ITGA1: variants seen among roughly 807,000 people sequenced by gnomAD.
ITGA1 encodes the protein integrin subunit alpha 1.
Under a neutral mutation model 145.9 loss-of-function variants are expected in ITGA1, and 85 were observed. The ratio of observed to expected loss-of-function variants is 0.58; its 90% CI spans 0.49 to 0.70. The LOEUF is 0.70. Ranked by LOEUF, ITGA1 falls within the 30% of genes least tolerant of loss-of-function variation. ITGA1 has a pLI of 0.00. For synonymous variants in ITGA1, 520 were observed against 495.3 expected (o/e 1.05, Z -0.66); for missense variants, 1,351 against 1,418.7 (o/e 0.95, Z 0.77).
At position 52,915,614 on chromosome 5, in the gene ITGA1, C is replaced by A. The variant is rs746163443; in HGVS notation, c.1988+20C>A. 3.7e-6 allele frequency: 6 copies of A among 1,612,434 alleles called. No individual in the cohort carries two copies. In the South Asian group the frequency reaches 5.5e-5, roughly 15 times the overall value. On this transcript the variant is annotated intron_variant, in intron 15 of 28. Transcript: ENST00000282588. ...CTTCTGGTATGTATTTTAATAACAT[C>A]CTGTTAATCTGAGACTGGGTCACTT...
chr5:52,801,798 A>T (rs565823997), intron 1 of ITGA1: 1 of 1,613,396 alleles, frequency 6.2e-7, no homozygotes, highest in East Asian at 2.2e-5. Flanking sequence ...CTGTTCCCGA[A>T]CTTTCTGACC....
intron 1 of ITGA1, among the ~76,000 whole-genome samples, chr5:52,794,500 TACACACACAC>T (rs56996823): frequency 1.9e-4 from 27 of 141,910 alleles, no homozygotes; most frequent in South Asian, 6.8e-4. Flanking sequence ...CAAATAGAAA[TACACACACAC>T]ACACACACAC....
intron 28 of ITGA1, among the ~76,000 whole-genome samples, chr5:52,951,533 T>A (rs930401437): frequency 3.6e-4 from 55 of 152,202 alleles, no homozygotes; most frequent in Non-Finnish European, 5.9e-5. Context: ...GGTCAACAAC[T>A]TCATTTTTTA....
chr5:52,805,865 G>A lies in ITGA1; in HGVS notation c.61+17451G>A, dbSNP rs184952112. Reference sequence around the variant, plus strand: ...GAACTGTGGCATCAATTTTGCAGTTGGATTTACATCTTTCTTAATGATTTG... The same window carrying A: ...GAACTGTGGCATCAATTTTGCAGTTAGATTTACATCTTTCTTAATGATTTG... On this transcript the variant is annotated intron_variant, in intron 1 of 28. Coordinates refer to ENST00000282588, the MANE Select transcript of ITGA1 (RefSeq NM_181501.2). Among the ~76,000 whole-genome samples, 126 of 152,048 alleles carry A rather than the reference G, an allele frequency of 8.3e-4. 2 individuals are homozygous for A. Among genetic ancestry groups the A allele is most frequent in the South Asian group, 3.5e-3 (17 of 4,814 alleles).
rs150759523 is a variant in ITGA1 at position 52,790,391 on chromosome 5, T to A, written c.61+1977T>A. 4.2e-3 allele frequency among the ~76,000 whole-genome samples: 640 copies of A among 152,308 alleles called. 2 individuals are homozygous for A. The highest frequency in any genetic ancestry group is 7.1e-3 in the Non-Finnish European group (483 of 68,018). ...TGCTGTTGTAACAACTTGCCATAGA[T>A]CACCAGCTTAAAACAACATAAATTT... On this transcript the variant is annotated intron_variant, in intron 1 of 28. Transcript: ENST00000282588.
chr5:52,813,600 C>T (rs1030388149), intron 1 of ITGA1, among the ~76,000 whole-genome samples: 1 of 152,152 alleles, frequency 6.6e-6, no homozygotes, highest in Non-Finnish European at 1.5e-5. Context: ...AATAGCCACC[C>T]CCAGACAACC....
chr5:52,873,754 A>G (rs943229433), intron 6 of ITGA1, among the ~76,000 whole-genome samples: 1 of 152,188 alleles, frequency 6.6e-6, no homozygotes, highest in Non-Finnish European at 1.5e-5. Context: ...AGCTCTTTTC[A>G]TATTAGGCAA....
chr5:52,934,470 T>A (rs1750936895), intron 23 of ITGA1, among the ~76,000 whole-genome samples: 1 of 151,924 alleles, frequency 6.6e-6, no homozygotes, highest in African/African-American at 2.4e-5. Flanking sequence ...CAAATAAGTA[T>A]GTATCACATT....
intron 6 of ITGA1, among the ~76,000 whole-genome samples, chr5:52,881,431 C>T (rs1749956000): frequency 6.6e-6 from 1 of 152,180 alleles, no homozygotes; most frequent in South Asian, 2.1e-4. Context: ...CATTTTCAGT[C>T]TGGCCTCTAG....
chr5:52,910,334 T>A lies in ITGA1; in HGVS notation c.1772T>A (p.Ile591Lys). Reference protein sequence around the residue: ...LNLDGFNDIVIGAPLEDDHGG... With the variant: ...LNLDGFNDIVKGAPLEDDHGG... The stretch of plus-strand genomic sequence containing the variant: ...CTTGATGGATTTAATGACATCGTGA[T>A]AGGAGCTCCGCTGGAAGATGATCAC... The change falls in exon 14 of 29, where the codon ATA (isoleucine) becomes AAA (lysine). Residue 591 changes from isoleucine to lysine, a missense_variant. Ile to Lys is a moderately radical substitution (Grantham distance 102, BLOSUM62 -3). Coordinates refer to ENST00000282588, the MANE Select transcript of ITGA1 (RefSeq NM_181501.2). 1 of 1,613,950 alleles carries A rather than the reference T, an allele frequency of 6.2e-7. No individual in the cohort carries two copies. The highest frequency in any genetic ancestry group is 8.5e-7 in the Non-Finnish European group (1 of 1,179,908).
In ITGA1 at chr5:52,832,655, G is replaced by A. The variant is rs374169566; in HGVS notation, c.62-16710G>A. Among the ~76,000 whole-genome samples the A allele has an allele frequency of 3.3e-5, 5 of 149,292 alleles. No homozygotes were observed. The East Asian group carries it at 5.9e-4, about 17-fold the overall frequency. ...TATAACCAAATATTACATACACTAT[G>A]TTAGAATAAAGAATGAACACTATCA... On this transcript the variant is annotated intron_variant, in intron 1 of 28. Coordinates refer to ENST00000282588, the MANE Select transcript of ITGA1 (RefSeq NM_181501.2).
rs756447409 is a variant in ITGA1 at position 52,932,053 on chromosome 5, C to T, written c.2778C>T (p.Ser926=). The T allele has an allele frequency of 2.9e-5, 47 of 1,596,900 alleles. No individual in the cohort carries two copies. Among genetic ancestry groups the T allele is most frequent in the South Asian group, 1.2e-4 (11 of 90,354 alleles). ...VTIYLSATSD[S]EEPPETLSDN... ...TGTGCCGTGTATTTTCTAGTGACAG[C>T]GAAGAACCTCCTGAAACCCTTTCTG... Residue 926 remains serine, a synonymous_variant, in exon 22 of 29, where the codon AGC becomes AGT. Coordinates refer to ENST00000282588, the MANE Select transcript of ITGA1 (RefSeq NM_181501.2).
chr5:52,906,025 A>G (rs1750398350), intron 12 of ITGA1, 117 bp downstream of exon 12: 1 of 832,846 alleles, frequency 1.2e-6, no homozygotes, highest in East Asian at 2.7e-5. Context: ...ACAACTGGGA[A>G]CAGGGCCCTG....
rs2111566693 is a variant in ITGA1 at position 52,954,656 on chromosome 5, C to T, written c.*2205C>T. 1 of 151,938 alleles carries T rather than the reference C, an allele frequency of 6.6e-6. No homozygotes were observed. The highest frequency in any genetic ancestry group is 1.9e-4 in the East Asian group (1 of 5,166). The allele number at this position is 151,938 out of a possible 1,614,324, so 9.4% of individuals were successfully genotyped here. Reference sequence around the variant, plus strand: ...GTGTGTGCATGTGCAGACACATGTACACATATAAATTGAATACAAAAATAG... The same window carrying T: ...GTGTGTGCATGTGCAGACACATGTATACATATAAATTGAATACAAAAATAG... On this transcript the variant is annotated 3_prime_UTR_variant, in exon 29 of 29. Transcript: ENST00000282588.
intron 26 of ITGA1, among the ~76,000 whole-genome samples, chr5:52,942,831 G>A (rs556353156): frequency 4.0e-5 from 6 of 151,894 alleles, no homozygotes; most frequent in African/African-American, 7.2e-5. Flanking sequence ...GTGAGCCACC[G>A]CACCCAGCCC....
intron 6 of ITGA1, among the ~76,000 whole-genome samples, chr5:52,871,616 A>G (rs562775359): frequency 1.6e-5 from 2 of 123,000 alleles, no homozygotes; most frequent in Non-Finnish European, 3.3e-5. Context: ...AAACAAAAAT[A>G]AAAAAAAAGA....
chr5:52,788,062 T>C lies in ITGA1; in HGVS notation c.-292T>C, dbSNP rs1748156873. Reference sequence around the variant, plus strand: ...CCGCGAAGCTGGCTTTATTTGTCCATGTCTCGGACAGAGCCTGGGAAGCTG... The same window carrying C: ...CCGCGAAGCTGGCTTTATTTGTCCACGTCTCGGACAGAGCCTGGGAAGCTG... On this transcript the variant is annotated 5_prime_UTR_variant, in exon 1 of 29. The change abolishes an upstream ATG in the 5' untranslated region. Transcript: ENST00000282588. The C allele has an allele frequency of 2.7e-6, 1 of 373,334 alleles. No individual in the cohort carries two copies. The highest frequency in any genetic ancestry group is 4.8e-6 in the Non-Finnish European group (1 of 208,050). 23.1% of individuals were successfully genotyped at this position (373,334 alleles called of 1,614,324 possible).
chr5:52,820,053 G>A (rs1580046719), intron 1 of ITGA1, among the ~76,000 whole-genome samples: 1 of 74,124 alleles, frequency 1.3e-5, no homozygotes, highest in Non-Finnish European at 2.6e-5. Context: ...CTGTAGCCTT[G>A]TAGTATAATT....
At chr5:52,882,689 A>G (rs772077437) in intron 7 of ITGA1, among the ~76,000 whole-genome samples, 1 of 152,196 alleles carries the variant, frequency 6.6e-6, no homozygotes, top group Non-Finnish European at 1.5e-5. Flanking sequence ...TATAAGAACG[A>G]ACAGAATTGT....
Sources: allele counts gnomAD v4.1 joint callset (sites outside exome capture counted in the v4.1 genomes callset), GRCh38; gene constraint gnomAD v4.1.1; transcripts MANE v1.5; gene names NCBI Gene and HGNC (gene_info 2026-07-23, HGNC 2026-07-21).